NETO2: variants seen among roughly 807,000 people sequenced by gnomAD.
NETO2 encodes the protein neuropilin and tolloid like 2, also known as neuropilin and tolloid-like protein 2.
A neutral mutation model predicts 62.5 loss-of-function variants in NETO2; 28 were observed. The observed-to-expected ratio is 0.45, with a 90% confidence interval of 0.33 to 0.61. NETO2 has a LOEUF of 0.61. Among genes scored for constraint, NETO2 ranks in the 20% least tolerant of loss-of-function variants. The pLI, the probability that NETO2 is intolerant of heterozygous loss-of-function variation, is 0.02. For synonymous variants in NETO2, 214 were observed against 219.1 expected, an observed-to-expected ratio of 0.98 and a Z score of 0.21; for missense variants, 548 against 643.2, an observed-to-expected ratio of 0.85 and a Z score of 1.60.
At chr16:47,107,199 C>A (rs892136400) in intron 7 of NETO2, among the ~76,000 whole-genome samples, 3 of 152,084 alleles carry the variant, frequency 2.0e-5, no homozygotes, top group Admixed American at 1.3e-4. Flanking sequence ...AAAAAGAAAT[C>A]CAGATAGAGG....
intron 1 of NETO2, among the ~76,000 whole-genome samples, chr16:47,139,289 A>T (rs1964419846): frequency 6.6e-6 from 1 of 152,238 alleles, no homozygotes. Context: ...AACAAACAGT[A>T]GCCACACATG....
Position 47,122,700 on chromosome 16 carries a change from G to A in NETO2, c.611C>T (p.Ala204Val), listed in dbSNP as rs1358117928. 1.2e-6 allele frequency: 2 copies of A among 1,614,102 alleles called. No homozygotes were observed. The highest frequency in any genetic ancestry group is 1.7e-4 in the Middle Eastern group (1 of 6,060). Residue 204 changes from alanine (A) to valine (V), a missense_variant, in exon 6 of 9, where the codon GCC (alanine) becomes GTC (valine). Physicochemically the swap from Ala to Val is moderately conservative, Grantham distance 64. Coordinates refer to ENST00000562435, the MANE Select transcript of NETO2 (RefSeq NM_018092.5). Reference protein sequence around the residue: ...EQEEKTKPGQAVDCIWTIKAT... With the variant: ...EQEEKTKPGQVVDCIWTIKAT... Reference sequence around the variant, plus strand: ...TTTAATGGTCCAGATGCAATCAACGGCTTGGCCTGGTTTTGTTTTCTCCTC... The same window carrying A: ...TTTAATGGTCCAGATGCAATCAACGACTTGGCCTGGTTTTGTTTTCTCCTC...
intron 6 of NETO2, among the ~76,000 whole-genome samples, chr16:47,115,304 T>C (rs1223720257): frequency 6.6e-6 from 1 of 152,214 alleles, no homozygotes; most frequent in Non-Finnish European, 1.5e-5. Flanking sequence ...TGTATTCATC[T>C]GTGTAGATCA....
chr16:47,125,506 C>T (rs1451058040), intron 4 of NETO2, among the ~76,000 whole-genome samples: 1 of 152,020 alleles, frequency 6.6e-6, no homozygotes. Flanking sequence ...CCACCACGCC[C>T]AGCTAACTGT....
chr16:47,100,120 A>C (rs1163122114), intron 7 of NETO2, among the ~76,000 whole-genome samples: 7 of 152,244 alleles, frequency 4.6e-5, no homozygotes, highest in African/African-American at 7.2e-5. Flanking sequence ...CTCTCAGACA[A>C]CAGTGCAATC....
In NETO2 at chr16:47,083,602, T is replaced by C. The variant is rs1219705758; in HGVS notation, c.1197A>G (p.Glu399=). 1.2e-6 allele frequency: 2 copies of C among 1,614,188 alleles called. No homozygotes were observed. The highest frequency in any genetic ancestry group is 2.2e-5 in the South Asian group (2 of 91,088). The change falls in exon 9 of 9, where the codon GAA becomes GAG. Residue 399 remains glutamate (E), a synonymous_variant. Coordinates refer to ENST00000562435, the MANE Select transcript of NETO2 (RefSeq NM_018092.5). The part of the protein sequence containing the change: ...FQEVFDPPHY[E]LFSLRDKEIS... ...TCTCTTTGTCCCTTAGTGAAAACAG[T>C]TCATAATGAGGAGGATCAAACACTT...
Position 47,143,688 on chromosome 16 carries a change from G to A in NETO2, c.-76C>T. Reference sequence around the variant, plus strand: ...GGCTCGGCGCTCACGGCTCGGCGCGGCGGCGACGGCCCCACTCCGTCCCCA... The same window carrying A: ...GGCTCGGCGCTCACGGCTCGGCGCGACGGCGACGGCCCCACTCCGTCCCCA... On this transcript the variant is annotated 5_prime_UTR_variant, in exon 1 of 9. Transcript: ENST00000562435. 2 of 1,213,938 alleles carry A rather than the reference G, an allele frequency of 1.6e-6. No homozygotes were observed. The highest frequency in any genetic ancestry group is 1.6e-5 in the African/African-American group (1 of 63,544). 75.2% of individuals were successfully genotyped at this position (1,213,938 alleles called of 1,614,324 possible).
At chr16:47,128,782 T>C (rs1964208326) in intron 3 of NETO2, among the ~76,000 whole-genome samples, 2 of 152,228 alleles carry the variant, frequency 1.3e-5, no homozygotes, top group South Asian at 4.1e-4. Context: ...TCCATTGGCA[T>C]ATGCTATCTA....
intron 4 of NETO2, among the ~76,000 whole-genome samples, chr16:47,127,862 C>A (rs1964188232): frequency 6.6e-6 from 1 of 152,224 alleles, no homozygotes; most frequent in African/African-American, 2.4e-5. Context: ...AAACCCAGAT[C>A]TTTGACATCC....
chr16:47,107,729 T>G lies in NETO2; in HGVS notation c.883+1754A>C, dbSNP rs553966069. Among the ~76,000 whole-genome samples, 23 of 152,206 alleles carry G rather than the reference T, an allele frequency of 1.5e-4. 1 individual carries two copies. The highest frequency in any genetic ancestry group is 8.5e-4 in the Admixed American group (13 of 15,270). On this transcript the variant is annotated intron_variant, in intron 7 of 8. Coordinates refer to ENST00000562435, the MANE Select transcript of NETO2 (RefSeq NM_018092.5). ...GGAGGCAAACTGAAGGAGCTTCCAA[T>G]GGCTGAAGCTCGGGCTTTGAGCAAC...
intron 1 of NETO2, 27 bp from the exon 2 acceptor site, chr16:47,132,052 T>G (rs1405915638): frequency 6.4e-7 from 1 of 1,558,480 alleles, no homozygotes; most frequent in East Asian, 2.2e-5. Flanking sequence ...GAAGAAAAGT[T>G]ATGAAATTGA....
At chr16:47,132,709 C>T (rs1280938450) in intron 1 of NETO2, among the ~76,000 whole-genome samples, 1 of 152,234 alleles carries the variant, frequency 6.6e-6, no homozygotes, top group Non-Finnish European at 1.5e-5. Flanking sequence ...AAGGAAACCA[C>T]ACTGCCAGCC....
intron 6 of NETO2, among the ~76,000 whole-genome samples, chr16:47,111,214 T>C (rs1375695759): frequency 6.6e-6 from 1 of 152,180 alleles, no homozygotes; most frequent in Non-Finnish European, 1.5e-5. Context: ...TGGCAGACAA[T>C]GAGAAAGTGA....
At chr16:47,132,096 A>G (rs2151491980) in intron 1 of NETO2, 71 bp from the exon 2 acceptor site, 1 of 1,160,334 alleles carries the variant, frequency 8.6e-7, no homozygotes, top group East Asian at 2.4e-5. Flanking sequence ...CAATAAATAA[A>G]ATTGGATGAC....
chr16:47,110,829 T>C (rs1963782738), intron 6 of NETO2, among the ~76,000 whole-genome samples: 1 of 151,206 alleles, frequency 6.6e-6, no homozygotes, highest in Non-Finnish European at 1.5e-5. Context: ...CCAAATACCT[T>C]GATGGCATAA....
intron 7 of NETO2, among the ~76,000 whole-genome samples, chr16:47,099,004 C>A (rs1238180851): frequency 6.6e-6 from 1 of 151,980 alleles, no homozygotes; most frequent in East Asian, 1.9e-4. Flanking sequence ...GGATTACAGG[C>A]GCCCACCACC....
At position 47,085,474 on chromosome 16, in the gene NETO2, C is replaced by T. The variant is rs1007091206; in HGVS notation, c.997+752G>A. 3.9e-5 allele frequency among the ~76,000 whole-genome samples: 6 copies of T among 152,034 alleles called. No homozygotes were observed. The South Asian group carries it at 6.2e-4, about 16-fold the overall frequency. The stretch of plus-strand genomic sequence containing the variant: ...TCGGCTCACTGCAACCTCTGCCTGC[C>T]GAGTTCAAGCAATTCTCCTGCCTCA... On this transcript the variant is annotated intron_variant, in intron 8 of 8. Transcript: ENST00000562435.
At position 47,122,853 on chromosome 16, in the gene NETO2, G is replaced by A; in HGVS notation, c.526+15C>T. The A allele has an allele frequency of 6.2e-7, 1 of 1,613,836 alleles. No individual in the cohort carries two copies. Among genetic ancestry groups the A allele is most frequent in the South Asian group, 1.1e-5 (1 of 91,052 alleles). ...ATCAAAAATGCCAAGAGGAACAAGT[G>A]GTAATATACTAAACCTGGAATGGGA... On this transcript the variant is annotated intron_variant, in intron 5 of 8. Transcript: ENST00000562435.
intron 7 of NETO2, among the ~76,000 whole-genome samples, chr16:47,092,421 T>C (rs1224865129): frequency 1.3e-5 from 2 of 152,200 alleles, no homozygotes; most frequent in Admixed American, 6.5e-5. Context: ...CATAAAATAC[T>C]GTTAGTGGGA....
Sources: allele counts gnomAD v4.1 joint callset (sites outside exome capture counted in the v4.1 genomes callset), GRCh38; gene constraint gnomAD v4.1.1; transcripts MANE v1.5; gene names NCBI Gene and HGNC (gene_info 2026-07-23, HGNC 2026-07-21).